Variants in SHC4 observed in about 807,000 individuals in gnomAD.
SHC4 encodes SHC-transforming protein 4.
A neutral mutation model predicts 69.4 loss-of-function variants in SHC4; 41 were observed. That is an observed-to-expected ratio of 0.59 (90% confidence interval 0.46 to 0.77). The LOEUF (loss-of-function observed/expected upper bound fraction) is 0.77. Among genes scored for constraint, SHC4 ranks in the 30% least tolerant of loss-of-function variants. The probability of loss-of-function intolerance (pLI) is 0.00; values close to 1 mark genes in which losing one functional copy is unlikely to be tolerated. For synonymous variants in SHC4, 318 were observed against 299.3 expected (o/e 1.06, Z -0.64); for missense variants, 777 against 783.8 (o/e 0.99, Z 0.10).
chr15:48,863,865 G>T (rs557503028), intron 6 of SHC4, among the ~76,000 whole-genome samples: 3 of 152,128 alleles, frequency 2.0e-5, no homozygotes, highest in African/African-American at 7.2e-5. Flanking sequence ...CCACTTAATG[G>T]CTGGGTAATC....
At chr15:48,909,399 T>C (rs1327166364) in intron 2 of SHC4, among the ~76,000 whole-genome samples, 2 of 152,172 alleles carry the variant, frequency 1.3e-5, no homozygotes, top group Admixed American at 1.3e-4. Flanking sequence ...ATTAATCTTG[T>C]ATCCAGAAAC....
chr15:48,857,846 T>A, intron 6 of SHC4, 31 bp from the exon 7 acceptor site: 1 of 1,454,082 alleles, frequency 6.9e-7, no homozygotes, highest in Non-Finnish European at 9.1e-7. Context: ...AATAATATTA[T>A]AATAAATTTT....
chr15:48,832,328 T>G (rs1005242484), intron 11 of SHC4, among the ~76,000 whole-genome samples: 1 of 152,150 alleles, frequency 6.6e-6, no homozygotes, highest in Non-Finnish European at 1.5e-5. Context: ...GTAGTCTTGG[T>G]TGGCAGTCTT....
intron 1 of SHC4, among the ~76,000 whole-genome samples, chr15:48,940,662 C>T (rs1441611343): frequency 3.3e-5 from 5 of 152,308 alleles, no homozygotes; most frequent in African/African-American, 7.2e-5. Context: ...ATCTCCCCAG[C>T]GCTCTAGGAC....
At chr15:48,910,844 G>A in intron 2 of SHC4, among the ~76,000 whole-genome samples, 1 of 152,146 alleles carries the variant, frequency 6.6e-6, no homozygotes, top group Non-Finnish European at 1.5e-5. Flanking sequence ...GCAAGAGCAG[G>A]TTATTTAATT....
intron 9 of SHC4, among the ~76,000 whole-genome samples, chr15:48,846,216 T>C (rs558691861): frequency 2.4e-4 from 37 of 152,164 alleles, no homozygotes; most frequent in Non-Finnish European, 4.4e-4. Flanking sequence ...CTGGGGTATC[T>C]CTTACTATCT....
At chr15:48,931,410 C>A (rs1900962621) in intron 1 of SHC4, among the ~76,000 whole-genome samples, 1 of 152,204 alleles carries the variant, frequency 6.6e-6, no homozygotes, top group African/African-American at 2.4e-5. Context: ...AATTGCATCT[C>A]AAATTCAATA....
intron 6 of SHC4, among the ~76,000 whole-genome samples, chr15:48,864,976 G>A (rs572305540): frequency 3.3e-5 from 5 of 152,032 alleles, no homozygotes; most frequent in South Asian, 4.1e-4. Context: ...ACGCACATTC[G>A]CACAACCTGC....
At chr15:48,939,227 G>A (rs559196988) in intron 1 of SHC4, among the ~76,000 whole-genome samples, 26 of 152,162 alleles carry the variant, frequency 1.7e-4, no homozygotes, top group Admixed American at 4.6e-4. Context: ...GGAGTGTGAT[G>A]AGCACTGGGA....
intron 2 of SHC4, among the ~76,000 whole-genome samples, chr15:48,899,086 AC>A (rs1402968726): frequency 6.6e-6 from 1 of 151,138 alleles, no homozygotes; most frequent in African/African-American, 2.4e-5. Context: ...TTACTTAGTC[AC>A]CCACTTTATT....
rs753095137 is a variant in SHC4, at chr15:48,867,808, C to T, written c.946+10G>A. On this transcript the variant is annotated intron_variant, in intron 6 of 11. Transcript: ENST00000332408. ...AGCTCTTTAAAAAATCTGTAAGTTG[C>T]TTTCCATACCTCGTTGATTAACTGG... 10 of 1,612,886 alleles carry T rather than the reference C, an allele frequency of 6.2e-6. No homozygotes were observed. Among genetic ancestry groups the T allele is most frequent in the Non-Finnish European group, 8.5e-6 (10 of 1,179,252 alleles).
Position 48,878,117 on chromosome 15 carries a change from A to C in SHC4, c.841-5975T>G. 3 of 1,506,164 alleles carry C rather than the reference A, an allele frequency of 2.0e-6. No homozygotes were observed. In the East Asian group the frequency reaches 6.9e-5, roughly 34 times the overall value. 93.3% of individuals were successfully genotyped at this position (1,506,164 alleles called of 1,614,324 possible). A position where few individuals can be genotyped will look rare whatever the true frequency, so the allele number is the denominator to read the frequency against. The stretch of plus-strand genomic sequence containing the variant: ...AGCCTTTGCGCACGCGCACGAACGC[A>C]CGGCCGCGCAGCATCTGTCTTGCTG... On this transcript the variant is annotated intron_variant, in intron 4 of 11. Coordinates refer to ENST00000332408, the MANE Select transcript of SHC4 (RefSeq NM_203349.4).
At chr15:48,904,773 C>A (rs189979846) in intron 2 of SHC4, among the ~76,000 whole-genome samples, 9 of 152,028 alleles carry the variant, frequency 5.9e-5, no homozygotes, top group African/African-American at 1.9e-4. Context: ...GTGGTCCTAG[C>A]TCCTTGGGAG....
intron 9 of SHC4, among the ~76,000 whole-genome samples, chr15:48,844,392 A>C (rs887582867): frequency 6.6e-6 from 1 of 152,078 alleles, no homozygotes; most frequent in African/African-American, 2.4e-5. Context: ...CTACCCAGCT[A>C]CCCTTCTTCC....
Position 48,899,368 on chromosome 15 carries a change from G to A in SHC4, c.657-8557C>T, listed in dbSNP as rs556665836. ...TGTAATCCCAGCTATTAGGGAGGCT[G>A]AGGCAGGAGAATTGCTTGAACCGGG... On this transcript the variant is annotated intron_variant, in intron 2 of 11. Coordinates refer to ENST00000332408, the MANE Select transcript of SHC4 (RefSeq NM_203349.4). 2.6e-5 allele frequency among the ~76,000 whole-genome samples: 4 copies of A among 152,328 alleles called. No homozygotes were observed. The South Asian group carries it at 8.3e-4, about 32-fold the overall frequency.
At chr15:48,930,867 T>C (rs577822990) in intron 1 of SHC4, among the ~76,000 whole-genome samples, 2 of 152,302 alleles carry the variant, frequency 1.3e-5, no homozygotes, top group East Asian at 3.9e-4. Context: ...TTCATAACCT[T>C]GAAACACTGT....
At chr15:48,951,079 C>G (rs780267843) in intron 1 of SHC4, among the ~76,000 whole-genome samples, 1 of 152,072 alleles carries the variant, frequency 6.6e-6, no homozygotes, top group Non-Finnish European at 1.5e-5. Flanking sequence ...CTACCCTCTC[C>G]TTGTGGCAGC....
rs186248662 is a variant in SHC4, at chr15:48,951,252, C to T, written c.585+11179G>A. The stretch of plus-strand genomic sequence containing the variant: ...CTCATCCCCAGCCACATCCTTCCTA[C>T]CCCCTCACTTTCCTGCCTGTGACCC... On this transcript the variant is annotated intron_variant, in intron 1 of 11. Coordinates refer to ENST00000332408, the MANE Select transcript of SHC4 (RefSeq NM_203349.4). Among the ~76,000 whole-genome samples, 20 of 152,134 alleles carry T rather than the reference C, an allele frequency of 1.3e-4. No individual in the cohort carries two copies. In the East Asian group the frequency reaches 3.1e-3, roughly 24 times the overall value.
intron 2 of SHC4, among the ~76,000 whole-genome samples, chr15:48,921,387 T>G (rs140773983): frequency 1.3e-5 from 2 of 150,112 alleles, no homozygotes. Flanking sequence ...CAGTCTGGAG[T>G]GCAATGGTGC....
Sources: gnomAD v4.1 joint callset for allele counts (sites outside exome capture counted in the v4.1 genomes callset) on GRCh38, gnomAD v4.1.1 for gene constraint, MANE v1.5 for transcripts, NCBI Gene and HGNC (gene_info 2026-07-23, HGNC 2026-07-21) for gene names.